The following PPA1 variants were observed in gnomAD, a reference collection of about 807,000 sequenced individuals.
The protein encoded by PPA1 is inorganic pyrophosphatase.
In PPA1, 23 loss-of-function variants were observed where a neutral mutation model predicts 41.8. That is an observed-to-expected ratio of 0.55 (90% confidence interval 0.40 to 0.78). PPA1 has a LOEUF of 0.78. PPA1 is among the 30% of genes least tolerant of loss of function. The pLI is 0.00. For missense variants in PPA1, 320 were observed against 361.6 expected (o/e 0.89, Z 0.93); for synonymous variants, 101 against 116.8 (o/e 0.86, Z 0.87).
At chr10:70,207,291 T>C (rs1368998762) in intron 8 of PPA1, among the ~76,000 whole-genome samples, 1 of 152,186 alleles carries the variant, frequency 6.6e-6, no homozygotes. Flanking sequence ...AAATAGTTTA[T>C]CCTTCTTTGC....
intron 2 of PPA1, among the ~76,000 whole-genome samples, chr10:70,220,980 CTA>C (rs574090374): frequency 0.16 from 5,763 of 36,066 alleles, 564 homozygotes; most frequent in Non-Finnish European, 0.19. Context: ...TATATATATA[CTA>C]TATATATAAT....
At chr10:70,206,153 G>T in intron 9 of PPA1, 111 bp downstream of exon 9, 3 of 801,662 alleles carry the variant, frequency 3.7e-6, no homozygotes, top group South Asian at 1.5e-5. Flanking sequence ...ACAGTAACAT[G>T]CATACAAAAG....
chr10:70,222,774 C>T (rs1840189635), intron 2 of PPA1, among the ~76,000 whole-genome samples: 1 of 151,934 alleles, frequency 6.6e-6, no homozygotes, highest in South Asian at 2.1e-4. Context: ...TGTTGGTGTG[C>T]TGCACCCATT....
intron 1 of PPA1, among the ~76,000 whole-genome samples, chr10:70,230,784 T>C (rs1164033924): frequency 6.6e-6 from 1 of 152,214 alleles, no homozygotes; most frequent in Admixed American, 6.5e-5. Context: ...CCAGTACACA[T>C]TTTTAAACCA....
intron 8 of PPA1, 29 bp downstream of exon 8, chr10:70,209,176 T>C (rs1293081097): frequency 6.8e-7 from 1 of 1,477,208 alleles, no homozygotes; most frequent in South Asian, 1.1e-5. Context: ...CTGCTTTGTG[T>C]GTTAAACATG....
At chr10:70,203,320 T>C (rs1164937897) in intron 10 of PPA1, 134 bp from the exon 11 acceptor site, 13 of 782,830 alleles carry the variant, frequency 1.7e-5, no homozygotes, top group Middle Eastern at 3.3e-4. Flanking sequence ...CAGGCATACA[T>C]ACAAAATTTC....
rs764429267 is a variant in PPA1 at position 70,217,820 on chromosome 10, T to A, written c.289A>T (p.Ile97Phe). 6.4e-7 allele frequency: 1 copy of A among 1,572,672 alleles called. No homozygotes were observed. Among genetic ancestry groups the A allele is most frequent in the East Asian group, 2.3e-5 (1 of 44,266 alleles). Residue 97 changes from isoleucine (I) to phenylalanine (F), a missense_variant, in exon 4 of 11, where the codon ATC becomes TTC. Coordinates refer to ENST00000373232, the MANE Select transcript of PPA1 (RefSeq NM_021129.4). ...YKGYIWNYGA[I>F]PQTWEDPGHN... ...GTTGCATGAAGACATACCTGAGGGA[T>A]GGCACCATAGTTCCAGATATATCCT...
intron 10 of PPA1, chr10:70,203,852 G>A (rs12355080): frequency 0.24 from 37,115 of 152,308 alleles, 5,545 homozygotes; most frequent in Non-Finnish European, 0.33. Flanking sequence ...CCCACTCAGG[G>A]TCCCCTCCAG....
chr10:70,206,206 T>C, intron 9 of PPA1, 58 bp downstream of exon 9: 1 of 1,321,090 alleles, frequency 7.6e-7, no homozygotes, highest in South Asian at 1.2e-5. Context: ...TCTCCCCATT[T>C]AGCATCATAG....
chr10:70,233,111 A>G (rs575859476), intron 1 of PPA1, among the ~76,000 whole-genome samples, 153 bp downstream of exon 1: 6 of 152,174 alleles, frequency 3.9e-5, no homozygotes, highest in East Asian at 3.9e-4. Flanking sequence ...CAAGTATGCA[A>G]TGTGAGGCCG....
intron 1 of PPA1, among the ~76,000 whole-genome samples, chr10:70,230,723 C>A (rs1195573941): frequency 6.6e-6 from 1 of 152,200 alleles, no homozygotes; most frequent in Non-Finnish European, 1.5e-5. Context: ...CCCACCTCAG[C>A]CTCCCAAAGG....
intron 2 of PPA1, among the ~76,000 whole-genome samples, chr10:70,219,468 A>G (rs1327905166): frequency 6.6e-6 from 1 of 152,172 alleles, no homozygotes; most frequent in Non-Finnish European, 1.5e-5. Context: ...TAATTACTTG[A>G]TCATACTTTA....
intron 1 of PPA1, among the ~76,000 whole-genome samples, chr10:70,231,507 C>G (rs562178103): frequency 4.6e-4 from 70 of 152,332 alleles, no homozygotes; most frequent in Non-Finnish European, 8.2e-4. Flanking sequence ...GCTGAAGTTG[C>G]AATGAGCCAA....
intron 4 of PPA1, among the ~76,000 whole-genome samples, chr10:70,215,672 G>A (rs1449165366): frequency 6.6e-6 from 1 of 151,662 alleles, no homozygotes; most frequent in Non-Finnish European, 1.5e-5. Context: ...GTAGAGATGG[G>A]GTTTCACCAT....
rs572102899 is a variant in PPA1 at position 70,204,838 on chromosome 10, T to G, written c.838+35A>C. The G allele has an allele frequency of 2.0e-6, 3 of 1,518,432 alleles. No individual in the cohort carries two copies. The South Asian group carries it at 3.6e-5, about 18-fold the overall frequency. The allele number at this position is 1,518,432 out of a possible 1,614,324, so 94.1% of individuals were successfully genotyped here. A position where few individuals can be genotyped will look rare whatever the true frequency, so the allele number is the denominator to read the frequency against. On this transcript the variant is annotated intron_variant, in intron 10 of 10. Coordinates refer to ENST00000373232, the MANE Select transcript of PPA1 (RefSeq NM_021129.4). ...ACATAATTTTTCCATAACTGTGTAATGTTTAATGAAATTTTACTGGAATAG... is the reference window on the plus strand; with the variant it reads ...ACATAATTTTTCCATAACTGTGTAAGGTTTAATGAAATTTTACTGGAATAG...
chr10:70,230,435 T>G (rs374940292), intron 1 of PPA1, 36 bp from the exon 2 acceptor site: 8 of 1,563,994 alleles, frequency 5.1e-6, no homozygotes, highest in Non-Finnish European at 7.0e-6. Flanking sequence ...TTACTATAAT[T>G]AATTGTATTG....
At chr10:70,220,860 C>CTTATATATATAATATATATAATTT (rs1840146322) in intron 2 of PPA1, among the ~76,000 whole-genome samples, 1 of 32,520 alleles carries the variant, frequency 3.1e-5, no homozygotes, top group African/African-American at 1.4e-4. Context: ...ATATATAATT[C>CTTATATATATAATATATATAATTT]TTATATATAT....
chr10:70,222,631 C>T (rs1840187673), intron 2 of PPA1, among the ~76,000 whole-genome samples: 1 of 152,074 alleles, frequency 6.6e-6, no homozygotes, highest in Non-Finnish European at 1.5e-5. Context: ...CCTCAGGCTA[C>T]AGCTTGGGGT....
rs1840158531 is a variant in PPA1, at chr10:70,221,067, TA to T, written c.124-2251del. On this transcript the variant is annotated intron_variant, in intron 2 of 10. Transcript: ENST00000373232. Reference sequence around the variant, plus strand: ...TATATATATATATAATTTATATATATATATATATATTTTTTTTTTTTTTTTT... The same window carrying T: ...TATATATATATATAATTTATATATATTATATATATTTTTTTTTTTTTTTTT... Among the ~76,000 whole-genome samples, 16 of 16,532 alleles carry T rather than the reference TA, an allele frequency of 9.7e-4. 1 individual carries two copies. Among genetic ancestry groups the T allele is most frequent in the South Asian group, 3.6e-3 (2 of 548 alleles). 10.8% of individuals were successfully genotyped at this position (16,532 alleles called of 152,430 possible).
Sources: gnomAD v4.1 joint callset for allele counts (sites outside exome capture counted in the v4.1 genomes callset) on GRCh38, gnomAD v4.1.1 for gene constraint, MANE v1.5 for transcripts, NCBI Gene and HGNC (gene_info 2026-07-23, HGNC 2026-07-21) for gene names.